TUBGCP3: variants seen among roughly 807,000 people sequenced by gnomAD.
TUBGCP3 encodes tubulin gamma complex component 3.
TUBGCP3 carries 50 observed loss-of-function variants against 123.1 expected under a neutral mutation model. That is an observed-to-expected ratio of 0.41 (90% CI 0.32 to 0.51). The LOEUF is 0.51. Ranked by LOEUF, TUBGCP3 falls within the 20% of genes least tolerant of loss-of-function variation. The pLI, the probability that TUBGCP3 is intolerant of heterozygous loss-of-function variation, is 0.36. For missense variants in TUBGCP3, 882 were observed against 1,127.0 expected (o/e 0.78, Z 3.11); for synonymous variants, 405 against 413.9 (o/e 0.98, Z 0.26).
intron 17 of TUBGCP3, among the ~76,000 whole-genome samples, chr13:112,506,411 A>G (rs946928760): frequency 6.6e-6 from 1 of 152,240 alleles, no homozygotes; most frequent in Non-Finnish European, 1.5e-5. Context: ...CTCTGCAAAG[A>G]ATCCTCAGCG....
chr13:112,558,787 G>C lies in TUBGCP3; in HGVS notation c.331-374C>G, dbSNP rs112773701. On this transcript the variant is annotated intron_variant, in intron 4 of 21. Coordinates refer to ENST00000261965, the MANE Select transcript of TUBGCP3 (RefSeq NM_006322.6). ...AATGATTGCTCAGACGAAGCCTTTAGCAATAGACAGAACTCTTTCACCCAC... is the reference window on the plus strand; with the variant it reads ...AATGATTGCTCAGACGAAGCCTTTACCAATAGACAGAACTCTTTCACCCAC... 9.3e-3 allele frequency among the ~76,000 whole-genome samples: 1,412 copies of C among 152,238 alleles called. 23 individuals carry two copies. Among genetic ancestry groups the C allele is most frequent in the African/African-American group, 0.032 (1,328 of 41,538 alleles).
At chr13:112,573,196 C>T (rs1007854820) in intron 1 of TUBGCP3, among the ~76,000 whole-genome samples, 2 of 150,820 alleles carry the variant, frequency 1.3e-5, no homozygotes, top group African/African-American at 2.4e-5. Flanking sequence ...CGAGATTAGA[C>T]ATAACACATC....
In TUBGCP3 at chr13:112,588,000, CG is replaced by C. The variant is rs1221726117; in HGVS notation, c.-21del. The stretch of plus-strand genomic sequence containing the variant: ...CGCCATCCTCGCCCGGAGCCGTGCA[CG>C]GTGGTCCGGGCAGAGCCGCCACTGC... On this transcript the variant is annotated 5_prime_UTR_variant, in exon 1 of 22. Transcript: ENST00000261965. The C allele has an allele frequency of 6.7e-7, 1 of 1,503,254 alleles. No homozygotes were observed. The highest frequency in any genetic ancestry group is 8.9e-7 in the Non-Finnish European group (1 of 1,125,258). 93.1% of individuals were successfully genotyped at this position (1,503,254 alleles called of 1,614,324 possible). A position where few individuals can be genotyped will look rare whatever the true frequency, so the allele number is the denominator to read the frequency against.
At chr13:112,549,342 G>C (rs996946672) in intron 8 of TUBGCP3, among the ~76,000 whole-genome samples, 1 of 151,924 alleles carries the variant, frequency 6.6e-6, no homozygotes, top group Non-Finnish European at 1.5e-5. Context: ...TGTGGGGTGG[G>C]GGGAGCGGGG....
chr13:112,535,948 T>C (rs563419640), intron 11 of TUBGCP3, among the ~76,000 whole-genome samples: 1 of 152,336 alleles, frequency 6.6e-6, no homozygotes, highest in Non-Finnish European at 1.5e-5. Flanking sequence ...TTACATATGG[T>C]GTATGACAGA....
intron 13 of TUBGCP3, among the ~76,000 whole-genome samples, chr13:112,525,216 T>A (rs1876949669): frequency 6.6e-6 from 1 of 152,228 alleles, no homozygotes; most frequent in Admixed American, 6.5e-5. Context: ...CTATTTCTCT[T>A]CTGCACTTCC....
the TUBGCP3 span, among the ~76,000 whole-genome samples, chr13:112,596,203 ATATTTTCAT>A: frequency 6.6e-6 from 1 of 152,206 alleles, no homozygotes; most frequent in Admixed American, 6.5e-5. Context: ...GTAGTTATTC[ATATTTTCAT>A]TCTTTTCATT....
intron 14 of TUBGCP3, among the ~76,000 whole-genome samples, chr13:112,520,677 G>C (rs1173176901): frequency 6.6e-6 from 1 of 152,222 alleles, no homozygotes; most frequent in African/African-American, 2.4e-5. Flanking sequence ...CCAATGGGAA[G>C]AGGAGAGGCC....
chr13:112,605,616 G>A, the TUBGCP3 span: 2 of 152,354 alleles, frequency 1.3e-5, no homozygotes, highest in African/African-American at 4.8e-5. Context: ...GCTGTCGACC[G>A]TCAGTGCGGC....
At chr13:112,561,517 T>C (rs551685510) in intron 3 of TUBGCP3, among the ~76,000 whole-genome samples, 20 of 152,148 alleles carry the variant, frequency 1.3e-4, no homozygotes, top group Admixed American at 8.5e-4. Flanking sequence ...ACGAGAGATA[T>C]AGCTGGGGAG....
intron 17 of TUBGCP3, among the ~76,000 whole-genome samples, chr13:112,506,650 C>T (rs1356255593): frequency 1.3e-5 from 2 of 152,228 alleles, no homozygotes; most frequent in Non-Finnish European, 2.9e-5. Flanking sequence ...GGTCAATGTG[C>T]ATCCGAAGAA....
intron 19 of TUBGCP3, among the ~76,000 whole-genome samples, chr13:112,499,401 C>A (rs1157571842): frequency 6.6e-6 from 1 of 152,214 alleles, no homozygotes; most frequent in Non-Finnish European, 1.5e-5. Context: ...GACCATCCTG[C>A]ACCTGCACCC....
Position 112,545,327 on chromosome 13 carries a change from G to A in TUBGCP3, c.1335+372C>T, listed in dbSNP as rs112294007. Reference sequence around the variant, plus strand: ...CACAACTAACTTGTTTCATTAAGCTGTTAGCACCAAAGTGAGTTTGCAAAG... The same window carrying A: ...CACAACTAACTTGTTTCATTAAGCTATTAGCACCAAAGTGAGTTTGCAAAG... On this transcript the variant is annotated intron_variant, in intron 11 of 21. Coordinates refer to ENST00000261965, the MANE Select transcript of TUBGCP3 (RefSeq NM_006322.6). This position sits in a 1 kb window ranked among gnomAD's most constrained non-coding sequence, Gnocchi z 4.1. 1,550 of 219,096 alleles carry A rather than the reference G, an allele frequency of 7.1e-3. 24 individuals are homozygous for A. Among genetic ancestry groups the A allele is most frequent in the African/African-American group, 0.032 (1,444 of 45,206 alleles). 13.6% of individuals were successfully genotyped at this position (219,096 alleles called of 1,614,324 possible).
chr13:112,577,523 A>C (rs894781828), intron 1 of TUBGCP3, among the ~76,000 whole-genome samples: 1 of 152,374 alleles, frequency 6.6e-6, no homozygotes, highest in Non-Finnish European at 1.5e-5. Flanking sequence ...CAAAGAGACA[A>C]GACAAATGAA....
chr13:112,491,276 T>C (rs1251046326), intron 20 of TUBGCP3, among the ~76,000 whole-genome samples: 1 of 152,258 alleles, frequency 6.6e-6, no homozygotes, highest in African/African-American at 2.4e-5. Context: ...TAGGCAGTTA[T>C]GAATTTTCAT....
Position 112,525,875 on chromosome 13 carries a change from C to T in TUBGCP3, c.1555+1067G>A, listed in dbSNP as rs113025552. Among the ~76,000 whole-genome samples, 1,420 of 152,246 alleles carry T rather than the reference C, an allele frequency of 9.3e-3. 22 individuals carry two copies. The highest frequency in any genetic ancestry group is 0.032 in the African/African-American group (1,335 of 41,528). ...CATTTTAAAACAGCTATACCTATTC[C>T]AACACTTACTGTATAACTGTATAAA... On this transcript the variant is annotated intron_variant, in intron 13 of 21. Transcript: ENST00000261965.
the TUBGCP3 span, chr13:112,604,229 T>C: frequency 6.6e-6 from 1 of 152,240 alleles, no homozygotes; most frequent in East Asian, 1.9e-4. Context: ...TGCATTCTTT[T>C]TATATTTCCA....
chr13:112,549,407 A>G (rs929470011), intron 8 of TUBGCP3, among the ~76,000 whole-genome samples: 1 of 152,106 alleles, frequency 6.6e-6, no homozygotes, highest in African/African-American at 2.4e-5. Flanking sequence ...AGGGTGCAGC[A>G]CACCAACACG....
chr13:112,563,468 C>G (rs753456852), intron 3 of TUBGCP3, among the ~76,000 whole-genome samples: 1 of 152,020 alleles, frequency 6.6e-6, no homozygotes, highest in Non-Finnish European at 1.5e-5. Flanking sequence ...GTTTTGGGGA[C>G]GAGCCCTAGG....
Sources: gnomAD v4.1 joint callset for allele counts (sites outside exome capture counted in the v4.1 genomes callset) on GRCh38, gnomAD v4.1.1 for gene constraint, Gnocchi (gnomAD v3.1) non-coding constraint, MANE v1.5 for transcripts, NCBI Gene and HGNC (gene_info 2026-07-23, HGNC 2026-07-21) for gene names.